Variants in GNL3L observed in about 807,000 individuals in gnomAD.
The protein encoded by GNL3L is guanine nucleotide-binding protein-like 3-like protein.
GNL3L carries 4 observed loss-of-function variants against 42.9 expected under a neutral mutation model. That is an observed-to-expected ratio of 0.09 (90% CI 0.05 to 0.21). The LOEUF (loss-of-function observed/expected upper bound fraction) is 0.21. Among genes scored for constraint, GNL3L ranks in the 10% least tolerant of loss-of-function variants. GNL3L has a pLI of 1.00. For synonymous variants in GNL3L, 159 were observed against 176.3 expected (o/e 0.90, Z 0.78); for missense variants, 412 against 481.7 (o/e 0.86, Z 1.36).
intron 15 of GNL3L, 41 bp downstream of exon 15, chrX:54,558,696 A>C: frequency 3.1e-6 from 3 of 979,958 alleles, no homozygotes; most frequent in Non-Finnish European, 1.4e-6. Flanking sequence ...AAAGGGGCCC[A>C]CATGGGATCT....
intron 16 of GNL3L, among the ~76,000 whole-genome samples, chrX:54,601,373 A>G (rs927557083): frequency 1.8e-5 from 2 of 111,953 alleles, no homozygotes; most frequent in South Asian, 3.7e-4. Flanking sequence ...ATATTTCAAT[A>G]AGGGTTTACA....
chrX:54,537,585 G>T (rs1054507349), intron 2 of GNL3L, among the ~76,000 whole-genome samples: 2 of 110,543 alleles, frequency 1.8e-5, no homozygotes, highest in African/African-American at 6.6e-5. Context: ...TTATTAATTT[G>T]GTTGTTAGTG....
chrX:54,574,882 T>C (rs1174211150), intron 16 of GNL3L, among the ~76,000 whole-genome samples: 2 of 112,318 alleles, frequency 1.8e-5, no homozygotes, highest in Non-Finnish European at 3.8e-5. Flanking sequence ...TTTCAAGTTA[T>C]TTAATTTGAT....
intron 2 of GNL3L, among the ~76,000 whole-genome samples, chrX:54,536,897 A>T (rs1366370090): frequency 9.0e-6 from 1 of 110,825 alleles, no homozygotes; most frequent in African/African-American, 3.3e-5. Flanking sequence ...ATCTTTGCTC[A>T]CCTGAAAATG....
chrX:54,610,351 T>A (rs973414272), intron 16 of GNL3L, among the ~76,000 whole-genome samples: 2 of 111,402 alleles, frequency 1.8e-5, no homozygotes, highest in South Asian at 7.6e-4. Context: ...TTTCTTTTTC[T>A]TGTCTGATTG....
At chrX:54,536,153 C>T (rs970048859) in intron 2 of GNL3L, among the ~76,000 whole-genome samples, 1 of 108,658 alleles carries the variant, frequency 9.2e-6, no homozygotes, top group Admixed American at 9.8e-5. Flanking sequence ...GTCTCAAACT[C>T]CTGACCTCAA....
intron 15 of GNL3L, among the ~76,000 whole-genome samples, chrX:54,559,541 A>G (rs1466215261): frequency 9.0e-6 from 1 of 111,193 alleles, no homozygotes; most frequent in Non-Finnish European, 1.9e-5. Flanking sequence ...TTTTCCACTC[A>G]CTATGTCTTA....
At chrX:54,644,332 T>G in the GNL3L span, among the ~76,000 whole-genome samples, 5 of 112,228 alleles carry the variant, frequency 4.5e-5, no homozygotes, top group Admixed American at 4.7e-4. Context: ...TACAAATACT[T>G]TACCCACTCC....
At chrX:54,638,701 C>T in the GNL3L span, among the ~76,000 whole-genome samples, 2 of 111,612 alleles carry the variant, frequency 1.8e-5, no homozygotes, top group Admixed American at 1.9e-4. Context: ...CCACCCACCT[C>T]GGCCTCTCAA....
chrX:54,623,917 TG>T (rs1479097046), downstream of GNL3L, among the ~76,000 whole-genome samples: 1 of 104,079 alleles, frequency 9.6e-6, no homozygotes, highest in East Asian at 3.0e-4. Context: ...GTGGATTCTT[TG>T]GGATTTTTTT....
At chrX:54,570,937 C>G (rs1447369845), downstream of GNL3L, among the ~76,000 whole-genome samples, 2 of 111,437 alleles carry the variant, frequency 1.8e-5, no homozygotes, top group African/African-American at 6.5e-5. Context: ...CTTCATTGCT[C>G]TGTGTGGCTC....
intron 16 of GNL3L, among the ~76,000 whole-genome samples, chrX:54,589,405 G>T (rs904569493): frequency 9.2e-6 from 1 of 109,283 alleles, no homozygotes; most frequent in Admixed American, 9.8e-5. Context: ...TACCCTTCCC[G>T]GCCTCTGGTA....
At position 54,564,731 on chromosome X, in the gene GNL3L, CTTTTTT is replaced by C. The variant is rs781526946; in HGVS notation, c.*4144_*4149del. ...TTTTTCTTTGTTCTTATATTTTTGT[CTTTTTT>C]TTTTTTTTTTTTTTGAAACAGAGTC... On this transcript the variant is annotated 3_prime_UTR_variant, in exon 16 of 16. Coordinates refer to ENST00000360845, the MANE Select transcript of GNL3L (RefSeq NM_001184819.2). Among the ~76,000 whole-genome samples, 2 of 71,898 alleles carry C rather than the reference CTTTTTT, an allele frequency of 2.8e-5. No individual in the cohort carries two copies. Among genetic ancestry groups the C allele is most frequent in the South Asian group, 6.7e-4 (1 of 1,502 alleles). 62.4% of individuals were successfully genotyped at this position (71,898 alleles called of 115,157 possible).
intron 16 of GNL3L, among the ~76,000 whole-genome samples, chrX:54,600,150 A>T (rs1268340561): frequency 5.1e-5 from 5 of 97,952 alleles, no homozygotes; most frequent in African/African-American, 1.6e-4. Flanking sequence ...TTTTATTAAA[A>T]TCTGGACATT....
intron 2 of GNL3L, among the ~76,000 whole-genome samples, chrX:54,533,174 C>T (rs759576199): frequency 1.8e-5 from 2 of 110,370 alleles, no homozygotes; most frequent in South Asian, 7.6e-4. Context: ...CTGCCTGTAA[C>T]CCCGACATGT....
At chrX:54,541,506 A>T in intron 5 of GNL3L, 117 bp downstream of exon 5, 1 of 322,800 alleles carries the variant, frequency 3.1e-6, no homozygotes. Context: ...CAGTGTAGAG[A>T]GGATAGAAAA....
the GNL3L span, among the ~76,000 whole-genome samples, chrX:54,631,615 G>C: frequency 9.0e-6 from 1 of 111,240 alleles, no homozygotes; most frequent in Non-Finnish European, 1.9e-5. Context: ...CTTTTGCATG[G>C]AATATCTTTT....
rs1925323342 is a variant in GNL3L at position 54,563,228 on chromosome X, C to CGACTTTTGGTGGTTTGATGTGG, written c.*2629_*2650dup. Among the ~76,000 whole-genome samples the CGACTTTTGGTGGTTTGATGTGG allele has an allele frequency of 9.0e-6, 1 of 111,052 alleles. No individual in the cohort carries two copies. Among genetic ancestry groups the CGACTTTTGGTGGTTTGATGTGG allele is most frequent in the African/African-American group, 3.3e-5 (1 of 30,545 alleles). ...TAGCATTTAAAATACAGACAGTCCC[C>CGACTTTTGGTGGTTTGATGTGG]GACTTTTGGTGGTTTGATGTGGGAT... is the stretch of plus-strand genomic sequence containing the variant. On this transcript the variant is annotated 3_prime_UTR_variant, in exon 16 of 16. Coordinates refer to ENST00000360845, the MANE Select transcript of GNL3L (RefSeq NM_001184819.2).
At chrX:54,576,730 T>A (rs959127298) in intron 16 of GNL3L, among the ~76,000 whole-genome samples, 16 of 111,347 alleles carry the variant, frequency 1.4e-4, no homozygotes, top group African/African-American at 4.9e-4. Context: ...CCTCCCAAGG[T>A]ACTGGGATTA....
Sources: gnomAD v4.1 joint callset for allele counts (sites outside exome capture counted in the v4.1 genomes callset) on GRCh38, gnomAD v4.1.1 for gene constraint, MANE v1.5 for transcripts, NCBI Gene and HGNC (gene_info 2026-07-23, HGNC 2026-07-21) for gene names.